Variants in EPHA3 observed in about 807,000 individuals in gnomAD.
The protein encoded by EPHA3 is EPH receptor A3, also known as ephrin type-A receptor 3.
Under a neutral mutation model 107.1 loss-of-function variants are expected in EPHA3, and 42 were observed. That is an observed-to-expected ratio of 0.39 (90% CI 0.31 to 0.51). The LOEUF is 0.51. Ranked by LOEUF, EPHA3 falls within the 20% of genes least tolerant of loss-of-function variation. The pLI is 0.78. For synonymous variants in EPHA3, 461 were observed against 424.8 expected, an observed-to-expected ratio of 1.09 and a Z score of -1.05; for missense variants, 1,183 against 1,211.2, an observed-to-expected ratio of 0.98 and a Z score of 0.35.
chr3:89,243,653 A>T (rs1207603407), intron 3 of EPHA3, among the ~76,000 whole-genome samples: 1 of 152,068 alleles, frequency 6.6e-6, no homozygotes, highest in Non-Finnish European at 1.5e-5. Flanking sequence ...CCTTTGTCAG[A>T]GGAGTAGCCC....
chr3:89,437,983 G>T (rs888087265), intron 13 of EPHA3, among the ~76,000 whole-genome samples: 2 of 149,744 alleles, frequency 1.3e-5, no homozygotes, highest in Non-Finnish European at 2.9e-5. Flanking sequence ...ACTAGATTTT[G>T]TTACAACATT....
At chr3:89,447,075 T>C (rs1313043099) in intron 13 of EPHA3, among the ~76,000 whole-genome samples, 1 of 152,194 alleles carries the variant, frequency 6.6e-6, no homozygotes, top group South Asian at 2.1e-4. Context: ...AGTCCACTTT[T>C]GTCGATGTCA....
At chr3:89,128,649 T>A (rs1165448016) in intron 2 of EPHA3, among the ~76,000 whole-genome samples, 2 of 150,646 alleles carry the variant, frequency 1.3e-5, no homozygotes, top group East Asian at 3.9e-4. Flanking sequence ...TAGTATATGG[T>A]ATACTGTATA....
chr3:89,178,500 T>C (rs1252862659), intron 2 of EPHA3, among the ~76,000 whole-genome samples: 1 of 152,040 alleles, frequency 6.6e-6, no homozygotes, highest in Non-Finnish European at 1.5e-5. Flanking sequence ...GAAATTCTTG[T>C]TCTGAATTTT....
intron 3 of EPHA3, among the ~76,000 whole-genome samples, chr3:89,256,804 G>A (rs1331632639): frequency 1.3e-5 from 2 of 152,006 alleles, no homozygotes; most frequent in Admixed American, 1.3e-4. Context: ...GAAATCCATG[G>A]GTAACATAGT....
In EPHA3 at chr3:89,115,454, G is replaced by A. The variant is rs370103337; in HGVS notation, c.88+7618G>A. On this transcript the variant is annotated intron_variant, in intron 1 of 16. Transcript: ENST00000336596. ...AATATTGGGAGTAAACATGGAATGG[G>A]CAAGAGAGGGTTTTTGGGAGCTGTG... Among the ~76,000 whole-genome samples the A allele has an allele frequency of 7.4e-4, 112 of 152,210 alleles. No homozygotes were observed. In the East Asian group the frequency reaches 0.014, roughly 18 times the overall value.
chr3:89,408,285 A>C (rs1045825328), intron 9 of EPHA3, among the ~76,000 whole-genome samples, 154 bp downstream of exon 9: 2 of 152,160 alleles, frequency 1.3e-5, no homozygotes, highest in African/African-American at 4.8e-5. Context: ...AAAAAGAGGG[A>C]AATTCATGGT....
At chr3:89,243,543 T>C (rs964864736) in intron 3 of EPHA3, among the ~76,000 whole-genome samples, 61 of 152,214 alleles carry the variant, frequency 4.0e-4, no homozygotes, top group Admixed American at 3.3e-3. Context: ...TTTGGCTGCA[T>C]AAATATCTTC....
At position 89,179,436 on chromosome 3, in the gene EPHA3, A is replaced by G. The variant is rs1324956438; in HGVS notation, c.154-30424A>G. Reference sequence around the variant, plus strand: ...CATATAATAGGATACTTACTCCATCATCTAATAAGAAATAAATCATGATTC... The same window carrying G: ...CATATAATAGGATACTTACTCCATCGTCTAATAAGAAATAAATCATGATTC... On this transcript the variant is annotated intron_variant, in intron 2 of 16. Coordinates refer to ENST00000336596, the MANE Select transcript of EPHA3 (RefSeq NM_005233.6). 3.3e-5 allele frequency among the ~76,000 whole-genome samples: 5 copies of G among 152,166 alleles called. No homozygotes were observed. The East Asian group carries it at 9.7e-4, about 29-fold the overall frequency.
chr3:89,450,953 A>C (rs896263362), intron 15 of EPHA3, among the ~76,000 whole-genome samples: 4 of 152,168 alleles, frequency 2.6e-5, no homozygotes, highest in Non-Finnish European at 4.4e-5. Flanking sequence ...CCCTTCATGA[A>C]TAAAGAAGTC....
At chr3:89,448,917 G>A (rs1512186) in intron 13 of EPHA3, among the ~76,000 whole-genome samples, 2 of 151,842 alleles carry the variant, frequency 1.3e-5, no homozygotes, top group Admixed American at 6.6e-5. Flanking sequence ...ATCTGCTTCA[G>A]GTTGTTTTGT....
intron 2 of EPHA3, among the ~76,000 whole-genome samples, chr3:89,202,373 G>C (rs1705988003): frequency 6.6e-6 from 1 of 150,970 alleles, no homozygotes; most frequent in Non-Finnish European, 1.5e-5. Flanking sequence ...AAAAGTAGCT[G>C]GGCATGGCGG....
At chr3:89,423,749 T>TA (rs1443460277) in intron 11 of EPHA3, among the ~76,000 whole-genome samples, 2 of 151,632 alleles carry the variant, frequency 1.3e-5, no homozygotes, top group East Asian at 3.9e-4. Flanking sequence ...ACTGTCCACT[T>TA]ATGTCCCTTG....
intron 2 of EPHA3, among the ~76,000 whole-genome samples, chr3:89,176,242 G>C (rs1220594959): frequency 5.9e-5 from 9 of 152,022 alleles, no homozygotes; most frequent in Non-Finnish European, 1.0e-4. Flanking sequence ...AGCACTTCAG[G>C]AGGCGGAGGC....
At chr3:89,208,243 G>T (rs929816356) in intron 2 of EPHA3, among the ~76,000 whole-genome samples, 1 of 151,526 alleles carries the variant, frequency 6.6e-6, no homozygotes, top group Non-Finnish European at 1.5e-5. Flanking sequence ...GGTGTTGGGG[G>T]CCTATAATCC....
intron 3 of EPHA3, among the ~76,000 whole-genome samples, chr3:89,336,149 A>G (rs1351070358): frequency 6.6e-6 from 1 of 152,218 alleles, no homozygotes; most frequent in Admixed American, 6.5e-5. Context: ...GCACATTAAT[A>G]CATCTACTTT....
chr3:89,362,960 C>A (rs1708122778), intron 5 of EPHA3, among the ~76,000 whole-genome samples: 1 of 150,872 alleles, frequency 6.6e-6, no homozygotes, highest in African/African-American at 2.4e-5. Flanking sequence ...AAGATTTATG[C>A]AAACCCAAAC....
chr3:89,294,098 G>A (rs182677181), intron 3 of EPHA3, among the ~76,000 whole-genome samples: 15 of 152,206 alleles, frequency 9.9e-5, no homozygotes, highest in Non-Finnish European at 2.2e-4. Context: ...CATTGGCCAT[G>A]GGTAGGTTGC....
At chr3:89,448,906 C>T (rs1709931718) in intron 13 of EPHA3, among the ~76,000 whole-genome samples, 1 of 152,026 alleles carries the variant, frequency 6.6e-6, no homozygotes, top group Admixed American at 6.6e-5. Flanking sequence ...TGTCATGTCA[C>T]ATCTGCTTCA....
Sources: gnomAD v4.1 joint callset for allele counts (sites outside exome capture counted in the v4.1 genomes callset) on GRCh38, gnomAD v4.1.1 for gene constraint, MANE v1.5 for transcripts, NCBI Gene and HGNC (gene_info 2026-07-23, HGNC 2026-07-21) for gene names.